MRPL39: variants seen among roughly 807,000 people sequenced by gnomAD.
MRPL39 encodes the protein mitochondrial ribosomal protein L39.
In MRPL39, 35 loss-of-function variants were observed where a neutral mutation model predicts 44.5. That is an observed-to-expected ratio of 0.79 (90% CI 0.60 to 1.04). The LOEUF (loss-of-function observed/expected upper bound fraction) is 1.04, where lower values mean the gene tolerates loss of function less well. MRPL39 is among the 50% of genes least tolerant of loss of function. MRPL39 has a pLI of 0.00. For missense variants in MRPL39, 433 were observed against 413.5 expected (o/e 1.05, Z -0.41); for synonymous variants, 139 against 136.1 (o/e 1.02, Z -0.15).
chr21:25,588,756 T>C (rs911620870), intron 9 of MRPL39, 79 bp downstream of exon 9: 12 of 1,285,218 alleles, frequency 9.3e-6, no homozygotes, highest in African/African-American at 6.0e-5. Context: ...CTTTCATTTT[T>C]CCCCCCTTTG....
intron 3 of MRPL39, among the ~76,000 whole-genome samples, chr21:25,602,372 C>T (rs1013927615): frequency 2.0e-5 from 3 of 152,102 alleles, no homozygotes; most frequent in Admixed American, 6.5e-5. Context: ...GTTTATTCAT[C>T]GGGAAAATGG....
Position 25,607,277 on chromosome 21 carries a change from G to A in MRPL39, c.73+126C>T, listed in dbSNP as rs1369079196. 2.0e-5 allele frequency: 20 copies of A among 1,006,718 alleles called. No homozygotes were observed. The Middle Eastern group carries it at 6.3e-4, about 32-fold the overall frequency. The allele number at this position is 1,006,718 out of a possible 1,614,324, so 62.4% of individuals were successfully genotyped here. A position where few individuals can be genotyped will look rare whatever the true frequency, so the allele number is the denominator to read the frequency against. ...AAGCTGTGCAAGAGCGACCGCCGCG[G>A]AGGGACTAAGAAACCCTCCTCCTTC... is the stretch of plus-strand genomic sequence containing the variant. On this transcript the variant is annotated intron_variant, in intron 1 of 9. Transcript: ENST00000352957.
intron 6 of MRPL39, among the ~76,000 whole-genome samples, chr21:25,595,042 G>A (rs2031314785): frequency 1.3e-5 from 2 of 152,116 alleles, no homozygotes; most frequent in Admixed American, 6.5e-5. Flanking sequence ...ACCCAATTCT[G>A]TCAGTATAGC....
chr21:25,593,963 A>C lies in MRPL39; in HGVS notation c.702-5T>G, dbSNP rs754046690. ...TCTATGAAATCTACTTTGTACCTGAAAAGCAGCAAAGAAAAAAACATTTTT... is the reference window on the plus strand; with the variant it reads ...TCTATGAAATCTACTTTGTACCTGACAAGCAGCAAAGAAAAAAACATTTTT... On this transcript the variant is annotated splice_polypyrimidine_tract_variant and splice_region_variant and intron_variant, in intron 6 of 9. Coordinates refer to ENST00000352957, the MANE Select transcript of MRPL39 (RefSeq NM_017446.4). 3.4e-5 allele frequency: 54 copies of C among 1,611,694 alleles called. No individual in the cohort carries two copies. Among genetic ancestry groups the C allele is most frequent in the Non-Finnish European group, 4.3e-5 (51 of 1,179,304 alleles).
intron 3 of MRPL39, among the ~76,000 whole-genome samples, chr21:25,601,708 A>AC (rs2031530446): frequency 6.6e-6 from 1 of 152,194 alleles, no homozygotes; most frequent in African/African-American, 2.4e-5. Context: ...GATTTCAAAC[A>AC]CCATAATGGT....
intron 8 of MRPL39, among the ~76,000 whole-genome samples, chr21:25,591,588 T>C (rs1022235674): frequency 2.0e-5 from 3 of 151,758 alleles, no homozygotes; most frequent in African/African-American, 7.3e-5. Context: ...ATACCATTGG[T>C]CAACAGAGAA....
intron 8 of MRPL39, among the ~76,000 whole-genome samples, chr21:25,591,347 G>A (rs1483441823): frequency 1.3e-5 from 2 of 152,070 alleles, no homozygotes; most frequent in Non-Finnish European, 2.9e-5. Context: ...AGGCTGCTCA[G>A]AGAATGAGAA....
At position 25,599,831 on chromosome 21, in the gene MRPL39, C is replaced by T; in HGVS notation, c.556G>A (p.Asp186Asn). ...SGAFCYDVVL[D>N]SKLDEWMPTK... ...GGCATCCACTCATCAAGTTTGCTATCCAAAACTACGTCATAACAGAAGGCA... is the reference window on the plus strand; with the variant it reads ...GGCATCCACTCATCAAGTTTGCTATTCAAAACTACGTCATAACAGAAGGCA... Residue 186 changes from aspartate to asparagine, a missense_variant, in exon 5 of 10, where the codon GAT becomes AAT. By Grantham distance (23) the Asp-to-Asn change is conservative. Coordinates refer to ENST00000352957, the MANE Select transcript of MRPL39 (RefSeq NM_017446.4). The T allele has an allele frequency of 1.9e-6, 3 of 1,613,780 alleles. No homozygotes were observed. Among genetic ancestry groups the T allele is most frequent in the Non-Finnish European group, 2.5e-6 (3 of 1,179,858 alleles).
At position 25,592,792 on chromosome 21, in the gene MRPL39, G is replaced by A. The variant is rs754251706; in HGVS notation, c.921+20C>T. 2 of 1,554,640 alleles carry A rather than the reference G, an allele frequency of 1.3e-6. No individual in the cohort carries two copies. The highest frequency in any genetic ancestry group is 1.8e-6 in the Non-Finnish European group (2 of 1,140,972). On this transcript the variant is annotated intron_variant, in intron 8 of 9. Coordinates refer to ENST00000352957, the MANE Select transcript of MRPL39 (RefSeq NM_017446.4). ...ATCTATACCCAAATTGGAAGACCTA[G>A]AACTTTAAGCTTTACTTACTCTTAA...
chr21:25,607,267 G>T, intron 1 of MRPL39, 136 bp downstream of exon 1: 1 of 919,880 alleles, frequency 1.1e-6, no homozygotes, highest in Non-Finnish European at 1.7e-6. Context: ...GTGCAAGAGC[G>T]ACCGCCGCGG....
At chr21:25,595,696 C>T (rs937298147) in intron 6 of MRPL39, among the ~76,000 whole-genome samples, 1 of 72,382 alleles carries the variant, frequency 1.4e-5, no homozygotes, top group African/African-American at 3.5e-5. Flanking sequence ...ATATTGATTA[C>T]ACTGAGTAAC....
rs747340967 is a variant in MRPL39, at chr21:25,585,795, T to G, written c.970-41A>C. On this transcript the variant is annotated intron_variant, in intron 9 of 9. Transcript: ENST00000352957. ...TAGCTTTACTTTCCTAATAAACACT[T>G]TCAGTTTTACCCTTCACCCACCATT... The G allele has an allele frequency of 6.3e-6, 9 of 1,433,810 alleles. No individual in the cohort carries two copies. In the East Asian group the frequency reaches 1.2e-4, roughly 19 times the overall value. The allele number at this position is 1,433,810 out of a possible 1,614,324, so 88.8% of individuals were successfully genotyped here.
intron 6 of MRPL39, among the ~76,000 whole-genome samples, chr21:25,595,657 AAAG>A (rs2031332357): frequency 6.6e-6 from 1 of 151,554 alleles, no homozygotes; most frequent in African/African-American, 2.4e-5. Context: ...ATTTAGTGAA[AAAG>A]AATATAAAAT....
chr21:25,597,896 T>C (rs2031408262), intron 5 of MRPL39, among the ~76,000 whole-genome samples: 1 of 152,124 alleles, frequency 6.6e-6, no homozygotes, highest in Non-Finnish European at 1.5e-5. Flanking sequence ...CTGTGCAAAG[T>C]ATAGCATGTC....
intron 2 of MRPL39, among the ~76,000 whole-genome samples, chr21:25,606,030 G>A (rs1601385631): frequency 6.6e-6 from 1 of 152,156 alleles, no homozygotes; most frequent in African/African-American, 2.4e-5. Context: ...TGCCAACCTT[G>A]CAATACTCAG....
At chr21:25,607,491 C>T (rs781352404), upstream of MRPL39, 14 of 1,609,168 alleles carry the variant, frequency 8.7e-6, no homozygotes, top group East Asian at 2.7e-4. Flanking sequence ...CGGTGAGAAC[C>T]GTCGCGCGCA....
chr21:25,588,760 C>T, intron 9 of MRPL39, 75 bp downstream of exon 9: 1 of 1,311,928 alleles, frequency 7.6e-7, no homozygotes, highest in Non-Finnish European at 1.1e-6. Flanking sequence ...CATTTTTCCC[C>T]CCTTTGGTTG....
In MRPL39 at chr21:25,601,353, A is replaced by ATACTTG. The variant is rs763102528; in HGVS notation, c.520+14_520+15insCAAGTA. 173 of 1,573,400 alleles carry ATACTTG rather than the reference A, an allele frequency of 1.1e-4. 1 individual carries two copies. Among genetic ancestry groups the ATACTTG allele is most frequent in the Non-Finnish European group, 1.4e-4 (157 of 1,149,426 alleles). On this transcript the variant is annotated intron_variant, in intron 4 of 9. Transcript: ENST00000352957. ...ATATTTAAGGATCACAAAAAGACAT[A>ATACTTG]TATGTATACACTACCAGGAACTTCT...
intron 8 of MRPL39, among the ~76,000 whole-genome samples, chr21:25,590,874 C>G (rs1227111728): frequency 2.0e-5 from 3 of 152,074 alleles, no homozygotes; most frequent in African/African-American, 7.2e-5. Context: ...GATTTCACAG[C>G]CTATTTAGAG....
Sources: gnomAD v4.1 joint callset for allele counts (sites outside exome capture counted in the v4.1 genomes callset) on GRCh38, gnomAD v4.1.1 for gene constraint, MANE v1.5 for transcripts, NCBI Gene and HGNC (gene_info 2026-07-23, HGNC 2026-07-21) for gene names.